Variants in SLC6A18 observed in about 807,000 individuals in gnomAD.
SLC6A18 encodes the protein solute carrier family 6 member 18.
A neutral mutation model predicts 62.9 loss-of-function variants in SLC6A18; 58 were observed. The ratio of observed to expected loss-of-function variants is 0.92; its 90% CI spans 0.75 to 1.15. The LOEUF (loss-of-function observed/expected upper bound fraction) is 1.15, where lower values mean the gene tolerates loss of function less well. Among genes scored for constraint, SLC6A18 ranks in the 50% most tolerant of loss-of-function variants. SLC6A18 has a pLI of 0.00. For synonymous variants in SLC6A18, 382 were observed against 365.8 expected (o/e 1.04, Z -0.51); for missense variants, 793 against 836.6 (o/e 0.95, Z 0.64).
At chr5:1,235,212 G>A (rs953225640) in intron 3 of SLC6A18, among the ~76,000 whole-genome samples, 4 of 152,232 alleles carry the variant, frequency 2.6e-5, no homozygotes, top group African/African-American at 9.6e-5. Context: ...CATGGTGACA[G>A]TGACGTCCAA....
intron 1 of SLC6A18, among the ~76,000 whole-genome samples, chr5:1,230,143 ACAGTGCAGGCT>A (rs1746691337): frequency 3.0e-5 from 4 of 134,758 alleles, no homozygotes; most frequent in African/African-American, 5.6e-5. Context: ...AGGGGCTTTC[ACAGTGCAGGCT>A]GGTCGTGGGG....
At position 1,246,134 on chromosome 5, in the gene SLC6A18, G is replaced by C; in HGVS notation, c.*56G>C. ...GTCTGTGGGGGGGCTTGGCCTGATG[G>C]TGGGCGGGGCCCCGCCCACAGGGCC... On this transcript the variant is annotated 3_prime_UTR_variant, in exon 12 of 12. Coordinates refer to ENST00000324642, the MANE Select transcript of SLC6A18 (RefSeq NM_182632.3). 2 of 1,496,536 alleles carry C rather than the reference G, an allele frequency of 1.3e-6. No individual in the cohort carries two copies. The highest frequency in any genetic ancestry group is 1.8e-6 in the Non-Finnish European group (2 of 1,128,828). The allele number at this position is 1,496,536 out of a possible 1,614,324, so 92.7% of individuals were successfully genotyped here. A position where few individuals can be genotyped will look rare whatever the true frequency, so the allele number is the denominator to read the frequency against.
chr5:1,230,725 C>A (rs545759521), intron 1 of SLC6A18, among the ~76,000 whole-genome samples: 1 of 152,146 alleles, frequency 6.6e-6, no homozygotes. Context: ...ATGCCAGGCG[C>A]GGAGACGCAC....
At chr5:1,240,453 C>G in intron 6 of SLC6A18, 78 bp from the exon 7 acceptor site, 5 of 1,580,096 alleles carry the variant, frequency 3.2e-6, no homozygotes, top group Non-Finnish European at 4.3e-6. Flanking sequence ...AGGAGGGAAG[C>G]CCCCTCCTCA....
chr5:1,238,301 T>TGGA lies in SLC6A18; in HGVS notation c.732+245_732+247dup, dbSNP rs1746946412. Among the ~76,000 whole-genome samples, 6 of 134,510 alleles carry TGGA rather than the reference T, an allele frequency of 4.5e-5. 1 individual carries two copies. Among genetic ancestry groups the TGGA allele is most frequent in the Admixed American group, 7.3e-5 (1 of 13,792 alleles). 88.2% of individuals were successfully genotyped at this position (134,510 alleles called of 152,430 possible). A position where few individuals can be genotyped will look rare whatever the true frequency, so the allele number is the denominator to read the frequency against. On this transcript the variant is annotated intron_variant, in intron 5 of 11. Transcript: ENST00000324642. ...AAAGAGGTCAGGTTTGGAGTGGGCCTGGAGGACTCAGGAAAGACATCAGGT... is the reference window on the plus strand; with the variant it reads ...AAAGAGGTCAGGTTTGGAGTGGGCCTGGAGGAGGACTCAGGAAAGACATCAGGT...
chr5:1,244,556 T>G, intron 10 of SLC6A18, 52 bp from the exon 11 acceptor site: 2 of 1,555,650 alleles, frequency 1.3e-6, no homozygotes, highest in South Asian at 1.2e-5. Context: ...CGGCTTGGAG[T>G]GGGTGGACCT....
rs1746864202 is a variant in SLC6A18 at position 1,235,638 on chromosome 5, CA to C, written c.598del (p.Arg200GlyfsTer9). 1 of 1,613,920 alleles carries C rather than the reference CA, an allele frequency of 6.2e-7. No homozygotes were observed. Among genetic ancestry groups the C allele is most frequent in the Non-Finnish European group, 8.5e-7 (1 of 1,179,988 alleles). On this transcript the variant is annotated frameshift_variant, in exon 4 of 12. Coordinates refer to ENST00000324642, the MANE Select transcript of SLC6A18 (RefSeq NM_182632.3). LOFTEE classifies it high-confidence loss of function. ...GGGCAGTCGTGTACATGTGTGTCAT[CA>C]GGGGCATTGAGACTACAGGGAAGGT... is the stretch of plus-strand genomic sequence containing the variant. The part of the protein sequence containing the change: ...SWAVVYMCVI[R>X]GIETTGKVIY...
intron 1 of SLC6A18, among the ~76,000 whole-genome samples, chr5:1,225,978 C>T (rs998372626): frequency 6.6e-6 from 1 of 152,268 alleles, no homozygotes; most frequent in South Asian, 2.1e-4. Flanking sequence ...GAGCGCTCTT[C>T]CATCTGAATG....
Position 1,244,682 on chromosome 5 carries a change from G to T in SLC6A18, c.1571G>T (p.Ser524Ile). 1 of 1,613,196 alleles carries T rather than the reference G, an allele frequency of 6.2e-7. No individual in the cohort carries two copies. The highest frequency in any genetic ancestry group is 8.5e-7 in the Non-Finnish European group (1 of 1,179,398). The stretch of plus-strand genomic sequence containing the variant: ...TGGCGGCTGACCTGGAGGGTGGTCA[G>T]TCCCCTGCTGCTGACCATCTTTGTG... ...PYWRLTWRVV[S>I]PLLLTIFVAY... Residue 524 changes from serine to isoleucine, a missense_variant, in exon 11 of 12, where the codon AGT (serine) becomes ATT (isoleucine). Physicochemically the swap from Ser to Ile is moderately radical, Grantham distance 142. Transcript: ENST00000324642.
In SLC6A18 at chr5:1,235,481, G is replaced by A. The variant is rs1254504834; in HGVS notation, c.440G>A (p.Gly147Glu). 12 of 1,613,128 alleles carry A rather than the reference G, an allele frequency of 7.4e-6. No homozygotes were observed. The highest frequency in any genetic ancestry group is 1.3e-5 in the African/African-American group (1 of 74,926). ...CCTGTGACAGGCCCCCTGGTTTCAG[G>A]GTTTGTGGAGGAGTGCCAGGGCAGC... ...SSCPPDLNRT[G>E]FVEECQGSSA... Residue 147 changes from glycine to glutamate, a missense_variant and splice_region_variant, in exon 4 of 12, where the codon GGG becomes GAG. Physicochemically the swap from Gly to Glu is moderately conservative, Grantham distance 98 (BLOSUM62 -2). Coordinates refer to ENST00000324642, the MANE Select transcript of SLC6A18 (RefSeq NM_182632.3).
chr5:1,240,237 A>G (rs1232932084), intron 6 of SLC6A18, among the ~76,000 whole-genome samples: 1 of 152,254 alleles, frequency 6.6e-6, no homozygotes, highest in Non-Finnish European at 1.5e-5. Flanking sequence ...TACATTTCAG[A>G]TCCTCTATGA....
Position 1,246,177 on chromosome 5 carries a change from G to T in SLC6A18, c.*99G>T. ...ACAGGGCCGACCCCAATACACCAGC[G>T]ACTCAACCTTGATGCCGCTGTGTAC... On this transcript the variant is annotated 3_prime_UTR_variant, in exon 12 of 12. Coordinates refer to ENST00000324642, the MANE Select transcript of SLC6A18 (RefSeq NM_182632.3). The T allele has an allele frequency of 7.1e-7, 1 of 1,412,492 alleles. No individual in the cohort carries two copies. The highest frequency in any genetic ancestry group is 2.6e-5 in the Admixed American group (1 of 38,370). The allele number at this position is 1,412,492 out of a possible 1,614,324, so 87.5% of individuals were successfully genotyped here.
At chr5:1,242,972 G>C in intron 8 of SLC6A18, 109 bp downstream of exon 8, 1 of 1,301,650 alleles carries the variant, frequency 7.7e-7, no homozygotes. Flanking sequence ...CACAGACCCA[G>C]GGCCAGGGCC....
chr5:1,237,978 A>C lies in SLC6A18; in HGVS notation c.650A>C (p.Tyr217Ser), dbSNP rs767059819. 29 of 1,614,130 alleles carry C rather than the reference A, an allele frequency of 1.8e-5. No homozygotes were observed. The highest frequency in any genetic ancestry group is 2.3e-5 in the Non-Finnish European group (27 of 1,180,012). Residue 217 changes from tyrosine (Y) to serine (S), a missense_variant, in exon 5 of 12, where the codon TAC (tyrosine) becomes TCC (serine). By Grantham distance (144) the Tyr-to-Ser change is moderately radical. Transcript: ENST00000324642. ...ATTTACTTCACAGCTTTGTTCCCTT[A>C]CCTGGTCCTGACCATCTTTCTCATC... ...KVIYFTALFP[Y>S]LVLTIFLIRG...
At chr5:1,238,764 A>G (rs1309138794) in intron 5 of SLC6A18, among the ~76,000 whole-genome samples, 1 of 152,146 alleles carries the variant, frequency 6.6e-6, no homozygotes, top group Non-Finnish European at 1.5e-5. Context: ...GAGGAGGGAC[A>G]GGGTTCTGGG....
intron 1 of SLC6A18, among the ~76,000 whole-genome samples, chr5:1,225,891 G>A (rs1175452108): frequency 2.6e-5 from 4 of 152,188 alleles, no homozygotes; most frequent in South Asian, 4.1e-4. Flanking sequence ...ATGGTCTTCC[G>A]GGACCTCAGG....
rs73731707 is a variant in SLC6A18 at position 1,243,966 on chromosome 5, G to A, written c.1336+207G>A. On this transcript the variant is annotated intron_variant, in intron 9 of 11. Coordinates refer to ENST00000324642, the MANE Select transcript of SLC6A18 (RefSeq NM_182632.3). The surrounding 1 kb of genome is among the most constrained non-coding windows in gnomAD (Gnocchi z 6.5). Reference sequence around the variant, plus strand: ...AGGGTCAGGGCTGCCCCTCCCCCACGGCCCCGGAGGCCACATCCCCCATCT... The same window carrying A: ...AGGGTCAGGGCTGCCCCTCCCCCACAGCCCCGGAGGCCACATCCCCCATCT... Among the ~76,000 whole-genome samples, 6,048 of 152,164 alleles carry A rather than the reference G, an allele frequency of 0.04. 244 individuals carry two copies. Among genetic ancestry groups the A allele is most frequent in the African/African-American group, 0.1 (4,297 of 41,502 alleles).
intron 3 of SLC6A18, among the ~76,000 whole-genome samples, chr5:1,235,174 G>A (rs2126533183): frequency 6.6e-6 from 1 of 152,350 alleles, no homozygotes; most frequent in South Asian, 2.1e-4. Flanking sequence ...ATGGTGGGTG[G>A]CAGGAGGAAG....
chr5:1,242,968 C>G, intron 8 of SLC6A18, 105 bp downstream of exon 8: 1 of 1,337,142 alleles, frequency 7.5e-7, no homozygotes, highest in Non-Finnish European at 1.0e-6. Context: ...TTCCCACAGA[C>G]CCAGGGCCAG....
Sources: allele counts gnomAD v4.1 joint callset (sites outside exome capture counted in the v4.1 genomes callset), GRCh38; gene constraint gnomAD v4.1.1; non-coding constraint Gnocchi (gnomAD v3.1); transcripts MANE v1.5; gene names NCBI Gene and HGNC (gene_info 2026-07-23, HGNC 2026-07-21).